Variants in SH3D19 observed in about 807,000 individuals in gnomAD.
The protein encoded by SH3D19 is SH3 domain-containing protein 19.
In SH3D19, 58 loss-of-function variants were observed where a neutral mutation model predicts 112.1. The observed-to-expected ratio is 0.52, with a 90% CI of 0.42 to 0.64. The LOEUF is 0.64. SH3D19 is among the 30% of genes least tolerant of loss of function. The pLI is 0.00. For synonymous variants in SH3D19, 391 were observed against 448.5 expected (o/e 0.87, Z 1.62); for missense variants, 1,090 against 1,263.4 (o/e 0.86, Z 2.08).
At chr4:151,244,713 G>T (rs1770804832) in intron 1 of SH3D19, among the ~76,000 whole-genome samples, 1 of 152,182 alleles carries the variant, frequency 6.6e-6, no homozygotes, top group Admixed American at 6.5e-5. Flanking sequence ...ATTTAAAACA[G>T]TTAATCTGTA....
At chr4:151,214,464 A>ACC (rs70941485) in intron 2 of SH3D19, among the ~76,000 whole-genome samples, 3 of 81,254 alleles carry the variant, frequency 3.7e-5, no homozygotes, top group African/African-American at 1.2e-4. Context: ...CGGGGGGCTG[A>ACC]CCCCCCACCT....
chr4:151,138,771 AC>A (rs1226392120), intron 13 of SH3D19, among the ~76,000 whole-genome samples: 1 of 152,084 alleles, frequency 6.6e-6, no homozygotes, highest in African/African-American at 2.4e-5. Context: ...AGCAGCTGAG[AC>A]AACTTTGAAG....
chr4:151,290,959 G>C (rs1580424970), intron 1 of SH3D19, among the ~76,000 whole-genome samples: 1 of 152,116 alleles, frequency 6.6e-6, no homozygotes, highest in African/African-American at 2.4e-5. Flanking sequence ...TAAAATTCCT[G>C]TGATATCTCC....
At chr4:151,150,395 C>A (rs1416243545) in intron 9 of SH3D19, among the ~76,000 whole-genome samples, 1 of 148,686 alleles carries the variant, frequency 6.7e-6, no homozygotes, top group Non-Finnish European at 1.5e-5. Context: ...ACATAAGAAA[C>A]ACACTGCTCC....
intron 1 of SH3D19, among the ~76,000 whole-genome samples, chr4:151,266,830 G>A (rs72967569): frequency 0.067 from 10,208 of 152,202 alleles, 1,089 homozygotes; most frequent in African/African-American, 0.23. Context: ...ACTCCTCTGT[G>A]TTAAGTACTA....
chr4:151,137,911 A>G, intron 13 of SH3D19, 49 bp from the exon 14 acceptor site: 1 of 1,514,586 alleles, frequency 6.6e-7, no homozygotes. Context: ...CTGGTTGCAG[A>G]TTTGATAAAA....
chr4:151,224,515 T>G lies in SH3D19; in HGVS notation c.152+1532A>C, dbSNP rs1028866714. 3.3e-5 allele frequency among the ~76,000 whole-genome samples: 5 copies of G among 152,360 alleles called. No individual in the cohort carries two copies. The South Asian group carries it at 6.2e-4, about 19-fold the overall frequency. ...AAGTCACATCTCCCTTATCTTTTTATGTTCCACTGGTGTTTCATTCTAAGG... is the reference window on the plus strand; with the variant it reads ...AAGTCACATCTCCCTTATCTTTTTAGGTTCCACTGGTGTTTCATTCTAAGG... On this transcript the variant is annotated intron_variant, in intron 2 of 19. Transcript: ENST00000604030.
rs976574254 is a variant in SH3D19 at position 151,291,002 on chromosome 4, G to A, written c.112+34239C>T. 6 of 706,048 alleles carry A rather than the reference G, an allele frequency of 8.5e-6. No homozygotes were observed. In the African/African-American group the frequency reaches 8.9e-5, roughly 11 times the overall value. 43.7% of individuals were successfully genotyped at this position (706,048 alleles called of 1,614,324 possible). ...AGTGATTAGTCCAGCCCCCTGCAGG[G>A]TTCCACAGCTCCATGGGTCTCATGG... is the stretch of plus-strand genomic sequence containing the variant. On this transcript the variant is annotated intron_variant, in intron 1 of 19. Coordinates refer to ENST00000604030, the MANE Select transcript of SH3D19 (RefSeq NM_001378122.1).
intron 11 of SH3D19, among the ~76,000 whole-genome samples, chr4:151,147,326 G>A (rs576418018): frequency 2.6e-5 from 4 of 152,224 alleles, no homozygotes; most frequent in Non-Finnish European, 5.9e-5. Flanking sequence ...ACTCCCATTA[G>A]TATAACCCAC....
Position 151,122,621 on chromosome 4 carries a change from AT to A in SH3D19, c.3028-415del, listed in dbSNP as rs150217728. 6.7e-3 allele frequency among the ~76,000 whole-genome samples: 1,026 copies of A among 152,294 alleles called. 5 individuals carry two copies. The highest frequency in any genetic ancestry group is 0.024 in the African/African-American group (990 of 41,558). ...CCCTCATTCTACAACGGGAAGGCAAATAAACTGGCAGAAGAGGACAGAAAGC... is the reference window on the plus strand; with the variant it reads ...CCCTCATTCTACAACGGGAAGGCAAAAAACTGGCAGAAGAGGACAGAAAGC... On this transcript the variant is annotated intron_variant, in intron 19 of 19. Coordinates refer to ENST00000604030, the MANE Select transcript of SH3D19 (RefSeq NM_001378122.1).
chr4:151,129,070 CTTCT>C (rs1457121328), intron 17 of SH3D19, among the ~76,000 whole-genome samples: 1 of 152,158 alleles, frequency 6.6e-6, no homozygotes, highest in Non-Finnish European at 1.5e-5. Flanking sequence ...CAGTGAAGCT[CTTCT>C]TTATTTAAAT....
intron 2 of SH3D19, among the ~76,000 whole-genome samples, chr4:151,217,803 A>G (rs978287179): frequency 1.3e-5 from 2 of 152,194 alleles, no homozygotes; most frequent in African/African-American, 4.8e-5. Flanking sequence ...AATTATAATA[A>G]GGTTACACTG....
chr4:151,140,016 G>A, intron 12 of SH3D19, 169 bp from the exon 13 acceptor site: 1 of 560,350 alleles, frequency 1.8e-6, no homozygotes, highest in Non-Finnish European at 3.2e-6. Flanking sequence ...TTATTATCAA[G>A]TTGAAGAAGA....
chr4:151,164,714 G>A (rs1036639617), intron 8 of SH3D19, among the ~76,000 whole-genome samples: 7 of 151,840 alleles, frequency 4.6e-5, no homozygotes, highest in African/African-American at 1.7e-4. Flanking sequence ...CAAGTAGTTG[G>A]GACTACAGGC....
At chr4:151,149,614 T>C in intron 9 of SH3D19, 53 bp from the exon 10 acceptor site, 1 of 1,534,920 alleles carries the variant, frequency 6.5e-7, no homozygotes, top group Non-Finnish European at 8.9e-7. Flanking sequence ...AACAAGAACT[T>C]GTCAAGAGAA....
chr4:151,175,129 TCA>T lies in SH3D19; in HGVS notation c.1073_1074del (p.Val358AspfsTer24). 2.5e-6 allele frequency: 4 copies of T among 1,613,994 alleles called. No individual in the cohort carries two copies. The highest frequency in any genetic ancestry group is 3.4e-6 in the Non-Finnish European group (4 of 1,179,978). Reference protein sequence around the residue: ...WDSGTENRLKVTSKEGLTPYP... With the variant: ...WDSGTENRLKXTSKEGLTPYP... Reference sequence around the variant, plus strand: ...TATGGGGTGAGTCCTTCCTTGGAGGTCACCTTGAGTCTGTTCTCAGTCCCAGA... The same window carrying T: ...TATGGGGTGAGTCCTTCCTTGGAGGTCCTTGAGTCTGTTCTCAGTCCCAGA... On this transcript the variant is annotated frameshift_variant, in exon 7 of 20. Transcript: ENST00000604030. LOFTEE classifies it high-confidence loss of function.
intron 7 of SH3D19, chr4:151,170,762 C>G (rs1758905230): frequency 2.0e-5 from 3 of 152,196 alleles, no homozygotes; most frequent in Non-Finnish European, 2.9e-5. Flanking sequence ...TTGATTAACT[C>G]TCTTGTTAAA....
At chr4:151,163,593 T>A (rs1184367271) in intron 8 of SH3D19, among the ~76,000 whole-genome samples, 2 of 151,802 alleles carry the variant, frequency 1.3e-5, no homozygotes, top group Non-Finnish European at 2.9e-5. Context: ...TTTCTTTTTT[T>A]TTTTTGAGAT....
At chr4:151,204,225 C>G (rs1456238761) in intron 2 of SH3D19, among the ~76,000 whole-genome samples, 1 of 152,096 alleles carries the variant, frequency 6.6e-6, no homozygotes, top group Non-Finnish European at 1.5e-5. Flanking sequence ...GATGTCAAAA[C>G]CTAAATATTT....
Sources: gnomAD v4.1 joint callset for allele counts (sites outside exome capture counted in the v4.1 genomes callset) on GRCh38, gnomAD v4.1.1 for gene constraint, MANE v1.5 for transcripts, NCBI Gene and HGNC (gene_info 2026-07-23, HGNC 2026-07-21) for gene names.